KDM1B: variants seen among roughly 807,000 people sequenced by gnomAD.
The protein encoded by KDM1B is lysine demethylase 1B.
In KDM1B, 63 loss-of-function variants were observed where a neutral mutation model predicts 107.4. The ratio of observed to expected loss-of-function variants is 0.59; its 90% CI spans 0.48 to 0.72. The LOEUF (loss-of-function observed/expected upper bound fraction) is 0.72. KDM1B is among the 30% of genes least tolerant of loss of function. The probability of loss-of-function intolerance (pLI) is 0.00; values close to 1 mark genes in which losing one functional copy is unlikely to be tolerated. For missense variants in KDM1B, 749 were observed against 1,020.8 expected (o/e 0.73, Z 3.63); for synonymous variants, 363 against 363.9 (o/e 1.00, Z 0.03).
intron 15 of KDM1B, among the ~76,000 whole-genome samples, chr6:18,206,189 G>GAT (rs979576697): frequency 1.3e-5 from 2 of 148,906 alleles, no homozygotes; most frequent in African/African-American, 5.0e-5. Context: ...CTCTTCTTCA[G>GAT]ATAATGCTTG....
At chr6:18,188,715 G>A in intron 9 of KDM1B, among the ~76,000 whole-genome samples, 1 of 151,864 alleles carries the variant, frequency 6.6e-6, no homozygotes, top group African/African-American at 2.4e-5. Flanking sequence ...CTGGGTTCAA[G>A]CAATTCTCCT....
intron 7 of KDM1B, among the ~76,000 whole-genome samples, chr6:18,182,209 A>G (rs1162039014): frequency 1.3e-5 from 2 of 152,096 alleles, no homozygotes; most frequent in Admixed American, 6.6e-5. Context: ...TCCAATTTCT[A>G]TGGATAATAT....
intron 6 of KDM1B, among the ~76,000 whole-genome samples, chr6:18,171,162 T>C (rs1358341189): frequency 6.6e-6 from 1 of 152,200 alleles, no homozygotes; most frequent in Non-Finnish European, 1.5e-5. Flanking sequence ...CCCTTGGCAC[T>C]TTCCTCACCC....
chr6:18,213,916 G>A lies in KDM1B; in HGVS notation c.2109+135G>A. 1 of 945,822 alleles carries A rather than the reference G, an allele frequency of 1.1e-6. No individual in the cohort carries two copies. The highest frequency in any genetic ancestry group is 1.6e-6 in the Non-Finnish European group (1 of 623,698). The allele number at this position is 945,822 out of a possible 1,614,324, so 58.6% of individuals were successfully genotyped here. A position where few individuals can be genotyped will look rare whatever the true frequency, so the allele number is the denominator to read the frequency against. On this transcript the variant is annotated intron_variant, in intron 19 of 21. Transcript: ENST00000650836. This position sits in a 1 kb window ranked among gnomAD's most constrained non-coding sequence, Gnocchi z 5.9. ...TGGGTCTATGTTTATATTCTGGGAG[G>A]ACACTTGGACTGGACATTTTCCTAT...
intron 20 of KDM1B, among the ~76,000 whole-genome samples, chr6:18,216,491 G>A (rs191469127): frequency 3.3e-5 from 5 of 152,144 alleles, no homozygotes; most frequent in South Asian, 2.1e-4. Context: ...TTAGCTTACC[G>A]TTTCTATAGA....
Position 18,201,795 on chromosome 6 carries a change from G to C in KDM1B, c.1531+138G>C. On this transcript the variant is annotated intron_variant, in intron 14 of 21. Coordinates refer to ENST00000650836, the MANE Select transcript of KDM1B (RefSeq NM_001364614.2). The surrounding 1 kb of genome is among the most constrained non-coding windows in gnomAD (Gnocchi z 4.3). ...TCCTGAGCATTTCTTTTGGACTGAT[G>C]GATTCTCCAAGTTCTCAGGGGAGGA... 1 of 707,168 alleles carries C rather than the reference G, an allele frequency of 1.4e-6. No homozygotes were observed. Among genetic ancestry groups the C allele is most frequent in the African/African-American group, 1.8e-5 (1 of 55,904 alleles). The allele number at this position is 707,168 out of a possible 1,614,324, so 43.8% of individuals were successfully genotyped here.
In KDM1B at chr6:18,204,242, C is replaced by T. The variant is rs796420952; in HGVS notation, c.1532-1295C>T. Among the ~76,000 whole-genome samples the T allele has an allele frequency of 3.9e-5, 6 of 151,960 alleles. No homozygotes were observed. The highest frequency in any genetic ancestry group is 3.3e-4 in the Admixed American group (5 of 15,244). Reference sequence around the variant, plus strand: ...GATTACACCTGTAATCCCAGCACTTCGGGAGGCTGAGGTGGGTAGATTTCT... The same window carrying T: ...GATTACACCTGTAATCCCAGCACTTTGGGAGGCTGAGGTGGGTAGATTTCT... On this transcript the variant is annotated intron_variant, in intron 14 of 21. Transcript: ENST00000650836. The surrounding 1 kb of genome is among the most constrained non-coding windows in gnomAD (Gnocchi z 4.9).
Position 18,201,469 on chromosome 6 carries a change from T to C in KDM1B, c.1360-17T>C, listed in dbSNP as rs1366287739. ...TCCAGGGAAAATTTTCACCTTCTTA[T>C]TCTTATTATTTTGAAGCTTGGCATC... On this transcript the variant is annotated splice_polypyrimidine_tract_variant and intron_variant, in intron 13 of 21. Coordinates refer to ENST00000650836, the MANE Select transcript of KDM1B (RefSeq NM_001364614.2). This position sits in a 1 kb window ranked among gnomAD's most constrained non-coding sequence, Gnocchi z 4.3. The C allele has an allele frequency of 1.3e-6, 2 of 1,537,500 alleles. No individual in the cohort carries two copies. The highest frequency in any genetic ancestry group is 1.8e-6 in the Non-Finnish European group (2 of 1,140,698).
chr6:18,220,175 C>G (rs1055287215), intron 21 of KDM1B, among the ~76,000 whole-genome samples: 1 of 152,228 alleles, frequency 6.6e-6, no homozygotes, highest in Non-Finnish European at 1.5e-5. Context: ...CACTCTTTCA[C>G]CTGTGTTCCT....
Position 18,200,333 on chromosome 6 carries a change from A to G in KDM1B, c.1222-106A>G, listed in dbSNP as rs1787952637. ...GTTTTTTTAGAAATATTTGGAATTA[A>G]CCAAATATAGAGGCTATTTAACAGT... On this transcript the variant is annotated intron_variant, in intron 12 of 21. Coordinates refer to ENST00000650836, the MANE Select transcript of KDM1B (RefSeq NM_001364614.2). This position sits in a 1 kb window ranked among gnomAD's most constrained non-coding sequence, Gnocchi z 4.3. 6 of 1,133,686 alleles carry G rather than the reference A, an allele frequency of 5.3e-6. No homozygotes were observed. The highest frequency in any genetic ancestry group is 2.6e-4 in the Middle Eastern group (1 of 3,874). 70.2% of individuals were successfully genotyped at this position (1,133,686 alleles called of 1,614,324 possible).
At chr6:18,163,182 G>A (rs1203079387) in intron 5 of KDM1B, among the ~76,000 whole-genome samples, 4 of 150,842 alleles carry the variant, frequency 2.7e-5, no homozygotes, top group African/African-American at 4.9e-5. Flanking sequence ...GTCTTGCCTA[G>A]GCTGGAGTGT....
rs1310592866 is a variant in KDM1B, at chr6:18,155,520, G to A, written c.-109G>A. The A allele has an allele frequency of 1.3e-5, 2 of 153,026 alleles. No homozygotes were observed. The highest frequency in any genetic ancestry group is 4.8e-5 in the African/African-American group (2 of 41,374). 9.5% of individuals were successfully genotyped at this position (153,026 alleles called of 1,614,324 possible). The stretch of plus-strand genomic sequence containing the variant: ...CCTGTGCGCGCGGCGCGCGGCTCCG[G>A]AGAGGCGCCCGCAGTCCAGGGCGGC... On this transcript the variant is annotated 5_prime_UTR_variant, in exon 1 of 22. Coordinates refer to ENST00000650836, the MANE Select transcript of KDM1B (RefSeq NM_001364614.2). The surrounding 1 kb of genome is among the most constrained non-coding windows in gnomAD (Gnocchi z 6.2).
At chr6:18,207,688 A>G (rs1167557354) in intron 16 of KDM1B, among the ~76,000 whole-genome samples, 159 bp downstream of exon 16, 2 of 152,132 alleles carry the variant, frequency 1.3e-5, no homozygotes, top group African/African-American at 2.4e-5. Context: ...AGCATTATCC[A>G]TGTCAGTGAG....
intron 2 of KDM1B, among the ~76,000 whole-genome samples, chr6:18,156,967 A>T (rs1286829931): frequency 6.6e-6 from 1 of 152,178 alleles, no homozygotes; most frequent in Non-Finnish European, 1.5e-5. Context: ...AAACCTAGGG[A>T]TTATTATAAT....
rs371504044 is a variant in KDM1B at position 18,213,793 on chromosome 6, C to T, written c.2109+12C>T. The T allele has an allele frequency of 2.1e-5, 34 of 1,613,680 alleles. No homozygotes were observed. Among genetic ancestry groups the T allele is most frequent in the African/African-American group, 2.7e-5 (2 of 75,008 alleles). ...ACATGGATCCCCAGGTAAAATCATT[C>T]GTGAACTGTGGTTTGAATTTCCGTC... On this transcript the variant is annotated intron_variant, in intron 19 of 21. Transcript: ENST00000650836. The surrounding 1 kb of genome is among the most constrained non-coding windows in gnomAD (Gnocchi z 5.9).
intron 9 of KDM1B, among the ~76,000 whole-genome samples, chr6:18,190,204 G>A (rs115400514): frequency 0.018 from 2,761 of 152,130 alleles, 35 homozygotes; most frequent in Non-Finnish European, 0.029. Flanking sequence ...TGGGCATTCA[G>A]TGGATATAGA....
At chr6:18,157,944 C>G (rs1456600902) in intron 2 of KDM1B, among the ~76,000 whole-genome samples, 1 of 150,776 alleles carries the variant, frequency 6.6e-6, no homozygotes, top group African/African-American at 2.4e-5. Flanking sequence ...TCCCGAATAG[C>G]TGGGACTACA....
intron 7 of KDM1B, among the ~76,000 whole-genome samples, chr6:18,182,448 C>T (rs1190601627): frequency 6.6e-6 from 1 of 152,148 alleles, no homozygotes; most frequent in Non-Finnish European, 1.5e-5. Flanking sequence ...ACTCTGTACA[C>T]TGTTTTTGAT....
Position 18,212,461 on chromosome 6 carries a change from TTGTTAAC to T in KDM1B, c.1867-20_1867-14del. On this transcript the variant is annotated intron_variant, in intron 17 of 21. Transcript: ENST00000650836. The surrounding 1 kb of genome is among the most constrained non-coding windows in gnomAD (Gnocchi z 5.2). Reference sequence around the variant, plus strand: ...AGTGTGAGGTTCTGTTGCTGTTTGTTTGTTAACTGTTAATTATTTTCCACAGGTATTA... The same window carrying T: ...AGTGTGAGGTTCTGTTGCTGTTTGTTTGTTAATTATTTTCCACAGGTATTA... 1 of 1,352,256 alleles carries T rather than the reference TTGTTAAC, an allele frequency of 7.4e-7. No homozygotes were observed. Among genetic ancestry groups the T allele is most frequent in the Non-Finnish European group, 1.1e-6 (1 of 940,940 alleles). 83.8% of individuals were successfully genotyped at this position (1,352,256 alleles called of 1,614,324 possible).
Sources: allele counts gnomAD v4.1 joint callset (sites outside exome capture counted in the v4.1 genomes callset), GRCh38; gene constraint gnomAD v4.1.1; non-coding constraint Gnocchi (gnomAD v3.1); transcripts MANE v1.5; gene names NCBI Gene and HGNC (gene_info 2026-07-23, HGNC 2026-07-21).